CEACAM5: variants seen among roughly 807,000 people sequenced by gnomAD.
The protein encoded by CEACAM5 is CEA cell adhesion molecule 5.
Under a neutral mutation model 63.0 loss-of-function variants are expected in CEACAM5, and 52 were observed. That is an observed-to-expected ratio of 0.83 (90% confidence interval 0.66 to 1.04). The LOEUF is 1.04. CEACAM5 is among the 50% of genes least tolerant of loss of function. The pLI, the probability that CEACAM5 is intolerant of heterozygous loss-of-function variation, is 0.00. For missense variants in CEACAM5, 790 were observed against 864.8 expected, an observed-to-expected ratio of 0.91 and a Z score of 1.08; for synonymous variants, 357 against 351.3, an observed-to-expected ratio of 1.02 and a Z score of -0.18.
intron 2 of CEACAM5, 50 bp downstream of exon 2, chr19:41,710,089 CCA>C: frequency 1.3e-6 from 2 of 1,574,048 alleles, no homozygotes; most frequent in Non-Finnish European, 1.7e-6. Context: ...GTTCTACTTC[CCA>C]CACACAGGAT....
intron 8 of CEACAM5, among the ~76,000 whole-genome samples, chr19:41,725,111 A>C (rs2072680069): frequency 6.6e-6 from 1 of 152,162 alleles, no homozygotes; most frequent in Admixed American, 6.5e-5. Flanking sequence ...TGCCTTTATT[A>C]TGCTGAGGTG....
chr19:41,728,786 CAAAAAAAAA>C (rs55647539), intron 9 of CEACAM5, among the ~76,000 whole-genome samples: 1 of 73,298 alleles, frequency 1.4e-5, no homozygotes, highest in Non-Finnish European at 2.5e-5. Context: ...GACTCCGTCT[CAAAAAAAAA>C]AAAAAAAAAA....
At chr19:41,725,771 T>C (rs1166957575) in intron 8 of CEACAM5, among the ~76,000 whole-genome samples, 1 of 152,232 alleles carries the variant, frequency 6.6e-6, no homozygotes, top group African/African-American at 2.4e-5. Flanking sequence ...AAGAACCAAC[T>C]TTTGGTTTCA....
Position 41,721,039 on chromosome 19 carries a change from A to G in CEACAM5, c.1889A>G (p.Asn630Ser), listed in dbSNP as rs1171440835. 1 of 1,614,052 alleles carries G rather than the reference A, an allele frequency of 6.2e-7. No homozygotes were observed. The highest frequency in any genetic ancestry group is 1.3e-5 in the African/African-American group (1 of 74,908). ...TCCCCGCAGTATTCTTGGCGTATCA[A>G]TGGGATACCGCAGCAACACACACAA... ...NPSPQYSWRI[N>S]GIPQQHTQVL... The change falls in exon 8 of 10, where the codon AAT becomes AGT. Residue 630 changes from asparagine (N) to serine (S), a missense_variant. Asn to Ser is a conservative substitution (Grantham distance 46, BLOSUM62 1). Transcript: ENST00000221992.
chr19:41,715,112 C>T lies in CEACAM5; in HGVS notation c.566C>T (p.Pro189Leu). ...WVNNQSLPVSPRLQLSNGNRT... is the reference protein window; with the variant it reads ...WVNNQSLPVSLRLQLSNGNRT... ...AACAATCAGAGCCTCCCGGTCAGTC[C>T]CAGGCTGCAGCTGTCCAATGGCAAC... is the stretch of plus-strand genomic sequence containing the variant. The change falls in exon 3 of 10, where the codon CCC becomes CTC. Residue 189 changes from proline to leucine, a missense_variant. Pro to Leu is a moderately conservative substitution (Grantham distance 98, BLOSUM62 -3). Coordinates refer to ENST00000221992, the MANE Select transcript of CEACAM5 (RefSeq NM_004363.6). 6.2e-7 allele frequency: 1 copy of T among 1,614,190 alleles called. No homozygotes were observed. The highest frequency in any genetic ancestry group is 1.1e-5 in the South Asian group (1 of 91,084).
rs1234442415 is a variant in CEACAM5, at chr19:41,715,099, C to T, written c.553C>T (p.Leu185Phe). 24 of 1,614,080 alleles carry T rather than the reference C, an allele frequency of 1.5e-5. No individual in the cohort carries two copies. The highest frequency in any genetic ancestry group is 2.0e-5 in the Non-Finnish European group (24 of 1,180,048). The change falls in exon 3 of 10, where the codon CTC becomes TTC. Residue 185 changes from leucine to phenylalanine, a missense_variant. By Grantham distance (22) the Leu-to-Phe change is conservative. Coordinates refer to ENST00000221992, the MANE Select transcript of CEACAM5 (RefSeq NM_004363.6). ...CCTGTGGTGGGTAAACAATCAGAGC[C>T]TCCCGGTCAGTCCCAGGCTGCAGCT... ...TYLWWVNNQS[L>F]PVSPRLQLSN...
intron 7 of CEACAM5, among the ~76,000 whole-genome samples, 159 bp downstream of exon 7, chr19:41,720,367 C>T (rs2072599601): frequency 6.6e-6 from 1 of 152,230 alleles, no homozygotes; most frequent in African/African-American, 2.4e-5. Context: ...TTTGGGCAAC[C>T]TCAGCCTGGA....
chr19:41,725,379 T>G (rs907710285), intron 8 of CEACAM5, among the ~76,000 whole-genome samples: 1 of 151,894 alleles, frequency 6.6e-6, no homozygotes, highest in Non-Finnish European at 1.5e-5. Flanking sequence ...CTTTTTTTTT[T>G]TTAAGAGACA....
At position 41,730,419 on chromosome 19, in the gene CEACAM5, C is replaced by CAAAA. The variant is rs34510228; in HGVS notation, c.*1283_*1286dup. Among the ~76,000 whole-genome samples the CAAAA allele has an allele frequency of 0.029, 3,859 of 131,154 alleles. 86 individuals are homozygous for CAAAA. Among genetic ancestry groups the CAAAA allele is most frequent in the Middle Eastern group, 0.095 (24 of 252 alleles). 86.0% of individuals were successfully genotyped at this position (131,154 alleles called of 152,430 possible). On this transcript the variant is annotated 3_prime_UTR_variant, in exon 10 of 10. Coordinates refer to ENST00000221992, the MANE Select transcript of CEACAM5 (RefSeq NM_004363.6). ...CCTGGGAGACAAAGTGAGACTCCGT[C>CAAAA]AAAAAAAAAAAAAAGTCTATGTGGT...
At chr19:41,715,605 T>C in intron 3 of CEACAM5, 45 bp from the exon 4 acceptor site, 1 of 1,609,420 alleles carries the variant, frequency 6.2e-7, no homozygotes, top group Non-Finnish European at 8.5e-7. Context: ...GAACTTCCAC[T>C]TCCCTCTGAC....
Position 41,727,060 on chromosome 19 carries a change from C to T in CEACAM5, c.2027-174C>T, listed in dbSNP as rs116581659. Reference sequence around the variant, plus strand: ...GGTGGAATTGACAGAAGACTGATCACCAACTAGCAACACAGTGAGAGAGAA... The same window carrying T: ...GGTGGAATTGACAGAAGACTGATCATCAACTAGCAACACAGTGAGAGAGAA... On this transcript the variant is annotated intron_variant, in intron 8 of 9. Transcript: ENST00000221992. Among the ~76,000 whole-genome samples the T allele has an allele frequency of 2.9e-3, 435 of 152,284 alleles. 3 individuals are homozygous for T. Among genetic ancestry groups the T allele is most frequent in the African/African-American group, 9.8e-3 (408 of 41,550 alleles).
At chr19:41,714,182 C>A (rs1457963941) in intron 2 of CEACAM5, among the ~76,000 whole-genome samples, 2 of 152,144 alleles carry the variant, frequency 1.3e-5, no homozygotes, top group East Asian at 3.9e-4. Flanking sequence ...GCCTGGCCAA[C>A]ACAGCAAGAC....
At chr19:41,717,783 A>G (rs782220871) in intron 5 of CEACAM5, 50 bp downstream of exon 5, 3 of 1,597,976 alleles carry the variant, frequency 1.9e-6, no homozygotes, top group South Asian at 1.1e-5. Context: ...CCAAATCCAC[A>G]TAGCCAAAGT....
At chr19:41,711,385 G>C (rs1343971757) in intron 2 of CEACAM5, among the ~76,000 whole-genome samples, 1 of 152,194 alleles carries the variant, frequency 6.6e-6, no homozygotes, top group Non-Finnish European at 1.5e-5. Flanking sequence ...GAGGCCCAAA[G>C]TGAGACACAC....
chr19:41,719,586 T>G (rs1388757478), intron 6 of CEACAM5, among the ~76,000 whole-genome samples: 5 of 152,206 alleles, frequency 3.3e-5, no homozygotes, highest in African/African-American at 1.2e-4. Context: ...CTGAACGGAA[T>G]TCAGCACCCA....
chr19:41,727,013 T>C (rs1013242029), intron 8 of CEACAM5, among the ~76,000 whole-genome samples: 9 of 152,120 alleles, frequency 5.9e-5, no homozygotes, highest in Admixed American at 5.9e-4. Context: ...CCTTCAGAAA[T>C]AGCTGAGTGC....
intron 2 of CEACAM5, 26 bp downstream of exon 2, chr19:41,710,065 G>C: frequency 6.3e-7 from 1 of 1,578,968 alleles, no homozygotes; most frequent in Non-Finnish European, 8.6e-7. Context: ...ATGACCTCTG[G>C]GTGTTGGGGG....
intron 2 of CEACAM5, among the ~76,000 whole-genome samples, chr19:41,710,416 C>A (rs2072417781): frequency 6.6e-6 from 1 of 152,106 alleles, no homozygotes; most frequent in African/African-American, 2.4e-5. Context: ...AGCCCCAGGG[C>A]TCCTGGTTCC....
In CEACAM5 at chr19:41,729,176, A is replaced by T. The variant is rs2072740613; in HGVS notation, c.*37-8A>T. ...ACTGTACTCATTTTAAATCTTTGTC[A>T]TTCACAGACAGTTGTTTTGCTTCTT... On this transcript the variant is annotated splice_region_variant and splice_polypyrimidine_tract_variant and intron_variant, in intron 9 of 9. Coordinates refer to ENST00000221992, the MANE Select transcript of CEACAM5 (RefSeq NM_004363.6). 2 of 152,198 alleles carry T rather than the reference A, an allele frequency of 1.3e-5. No individual in the cohort carries two copies. The highest frequency in any genetic ancestry group is 6.5e-5 in the Admixed American group (1 of 15,276). 9.4% of individuals were successfully genotyped at this position (152,198 alleles called of 1,614,324 possible). A position where few individuals can be genotyped will look rare whatever the true frequency, so the allele number is the denominator to read the frequency against.
Sources: allele counts gnomAD v4.1 joint callset (sites outside exome capture counted in the v4.1 genomes callset), GRCh38; gene constraint gnomAD v4.1.1; transcripts MANE v1.5; gene names NCBI Gene and HGNC (gene_info 2026-07-23, HGNC 2026-07-21).